The following NPIPB11 variants were observed in gnomAD, a reference collection of about 807,000 sequenced individuals.
The protein encoded by NPIPB11 is nuclear pore complex-interacting protein family member B11.
Under a neutral mutation model 32.8 loss-of-function variants are expected in NPIPB11, and 17 were observed. The observed-to-expected ratio is 0.52, with a 90% CI of 0.35 to 0.78. The LOEUF is 0.78. Among genes scored for constraint, NPIPB11 ranks in the 30% least tolerant of loss-of-function variants. The pLI is 0.01. For synonymous variants in NPIPB11, 209 were observed against 398.4 expected, an observed-to-expected ratio of 0.52 and a Z score of 5.66; for missense variants, 537 against 1,000.4, an observed-to-expected ratio of 0.54 and a Z score of 6.25.
chr16:29,389,360 T>A (rs1963651336), intron 5 of NPIPB11, among the ~76,000 whole-genome samples: 1 of 86,124 alleles, frequency 1.2e-5, no homozygotes. Flanking sequence ...TGACTCTATC[T>A]CAAAATTAAA....
chr16:29,393,808 C>T (rs1963779943), intron 3 of NPIPB11, 140 bp downstream of exon 3: 1 of 1,231,558 alleles, frequency 8.1e-7, no homozygotes. Flanking sequence ...TTTCATAATT[C>T]TTATGCTAAT....
At chr16:29,402,489 G>A (rs1265195597) in intron 2 of NPIPB11, among the ~76,000 whole-genome samples, 2 of 96,336 alleles carry the variant, frequency 2.1e-5, no homozygotes, top group Non-Finnish European at 3.8e-5. Context: ...CAGATTACGA[G>A]GTCAGGAGTT....
chr16:29,399,874 C>T (rs564314041), intron 2 of NPIPB11, among the ~76,000 whole-genome samples: 7 of 151,842 alleles, frequency 4.6e-5, no homozygotes, highest in East Asian at 1.9e-4. Flanking sequence ...GTTAGGAGTT[C>T]GAGACCAGCC....
At chr16:29,394,167 C>T in intron 2 of NPIPB11, 91 bp from the exon 3 acceptor site, 1 of 1,399,738 alleles carries the variant, frequency 7.1e-7, no homozygotes, top group South Asian at 1.3e-5. Context: ...CGTCAACCTC[C>T]TCCAAAAGGT....
intron 2 of NPIPB11, among the ~76,000 whole-genome samples, chr16:29,396,021 C>T (rs1963845177): frequency 6.7e-6 from 1 of 148,928 alleles, no homozygotes; most frequent in Admixed American, 6.7e-5. Context: ...ATGAAAATGG[C>T]ATGAATAGTG....
chr16:29,405,540 C>T (rs1473137296), upstream of NPIPB11, among the ~76,000 whole-genome samples: 1 of 152,128 alleles, frequency 6.6e-6, no homozygotes, highest in East Asian at 1.9e-4. Flanking sequence ...AGCAAGCTTG[C>T]AAGGTAGTTA....
intron 5 of NPIPB11, 108 bp downstream of exon 5, chr16:29,389,833 C>T: frequency 1.9e-6 from 3 of 1,559,316 alleles, no homozygotes; most frequent in Non-Finnish European, 2.6e-6. Flanking sequence ...TTTGAACCTA[C>T]TGAATTTGCC....
At chr16:29,389,101 A>G (rs1963640889) in intron 5 of NPIPB11, among the ~76,000 whole-genome samples, 2 of 151,476 alleles carry the variant, frequency 1.3e-5, no homozygotes, top group African/African-American at 2.4e-5. Context: ...AGGCTGAGAG[A>G]TAAGAATCGC....
In NPIPB11 at chr16:29,389,933, C is replaced by T. The variant is rs928815075; in HGVS notation, c.545+8G>A. ...CTACAACAGTATTTGTGTCAAGGCA[C>T]ATCTTACTGTTTTCTGGCGGTCTTC... On this transcript the variant is annotated splice_region_variant and intron_variant, in intron 5 of 7. Transcript: ENST00000524087. 6 of 1,590,054 alleles carry T rather than the reference C, an allele frequency of 3.8e-6. No individual in the cohort carries two copies. Among genetic ancestry groups the T allele is most frequent in the African/African-American group, 2.7e-5 (2 of 73,952 alleles).
exon 8 of NPIPB11, chr16:29,383,057 C>G: frequency 6.2e-7 from 1 of 1,607,362 alleles, no homozygotes; most frequent in Non-Finnish European, 8.5e-7. Context: ...AGATGCTCAG[C>G]AGGTATCTTG....
chr16:29,405,368 T>A (rs953755744), upstream of NPIPB11, among the ~76,000 whole-genome samples: 3 of 152,104 alleles, frequency 2.0e-5, no homozygotes, highest in African/African-American at 7.2e-5. Flanking sequence ...CCAGCCATGA[T>A]TCATGGTCTT....
At chr16:29,395,717 C>T (rs1334868834) in intron 2 of NPIPB11, among the ~76,000 whole-genome samples, 23 of 150,902 alleles carry the variant, frequency 1.5e-4, no homozygotes, top group Middle Eastern at 3.5e-3. Flanking sequence ...TGGTGGCTCA[C>T]GCCTGCAATC....
upstream of NPIPB11, among the ~76,000 whole-genome samples, chr16:29,406,213 G>T (rs1176129576): frequency 1.3e-5 from 2 of 152,236 alleles, no homozygotes; most frequent in Non-Finnish European, 2.9e-5. Flanking sequence ...CGATTTATTT[G>T]GTAGATTAAA....
chr16:29,384,423 G>T, intron 7 of NPIPB11, 134 bp from the exon 8 acceptor site: 1 of 463,396 alleles, frequency 2.2e-6, no homozygotes, highest in Non-Finnish European at 3.4e-6. Context: ...TTTCAAAATA[G>T]CAGTATCAGT....
chr16:29,391,787 CT>C (rs1399733698), intron 3 of NPIPB11, among the ~76,000 whole-genome samples: 11 of 152,238 alleles, frequency 7.2e-5, no homozygotes, highest in Middle Eastern at 3.4e-3. Flanking sequence ...GTGGCGCTAC[CT>C]TGGCTCACGG....
chr16:29,402,728 G>C (rs62035608), intron 2 of NPIPB11, among the ~76,000 whole-genome samples: 13,565 of 64,236 alleles, frequency 0.21, 201 homozygotes, highest in Admixed American at 0.24. Flanking sequence ...CTCTCTCTGT[G>C]TGTGTGTGTG....
exon 8 of NPIPB11, chr16:29,381,572 T>A: frequency 1.1e-6 from 1 of 921,022 alleles, no homozygotes; most frequent in Non-Finnish European, 1.6e-6. Context: ...GTGATGATGG[T>A]TCCACGTCAG....
At chr16:29,389,698 A>G (rs1406061417) in intron 5 of NPIPB11, among the ~76,000 whole-genome samples, 4 of 133,722 alleles carry the variant, frequency 3.0e-5, no homozygotes, top group Non-Finnish European at 4.8e-5. Flanking sequence ...AAAAAAAAAA[A>G]GAGAAAGGAA....
At chr16:29,394,584 G>A (rs1396702187) in intron 2 of NPIPB11, among the ~76,000 whole-genome samples, 1 of 151,436 alleles carries the variant, frequency 6.6e-6, no homozygotes, top group Admixed American at 6.6e-5. Flanking sequence ...ACAGGTCTCT[G>A]CCACCATGCC....
Sources: gnomAD v4.1 joint callset for allele counts (sites outside exome capture counted in the v4.1 genomes callset) on GRCh38, gnomAD v4.1.1 for gene constraint, MANE v1.5 for transcripts, NCBI Gene and HGNC (gene_info 2026-07-23, HGNC 2026-07-21) for gene names.